CPNE5: variants seen among roughly 807,000 people sequenced by gnomAD.
The protein encoded by CPNE5 is copine 5, also known as copine-5.
Under a neutral mutation model 81.1 loss-of-function variants are expected in CPNE5, and 42 were observed. The ratio of observed to expected loss-of-function variants is 0.52; its 90% CI spans 0.40 to 0.67. CPNE5 has a LOEUF of 0.67. Ranked by LOEUF, CPNE5 falls within the 30% of genes least tolerant of loss-of-function variation. The pLI is 0.00. For synonymous variants in CPNE5, 313 were observed against 321.5 expected (o/e 0.97, Z 0.28); for missense variants, 612 against 815.5 (o/e 0.75, Z 3.04).
At chr6:36,803,999 T>A (rs1422826944) in intron 3 of CPNE5, among the ~76,000 whole-genome samples, 2 of 152,188 alleles carry the variant, frequency 1.3e-5, no homozygotes, top group African/African-American at 2.4e-5. Context: ...ACTGAGCCCC[T>A]ACTGAATGCT....
chr6:36,755,690 AG>A, intron 13 of CPNE5: 1 of 161,744 alleles, frequency 6.2e-6, no homozygotes. Context: ...CCTCAAGACC[AG>A]CCCCGAGAAG....
At chr6:36,745,667 A>C in intron 16 of CPNE5, 152 bp from the exon 17 acceptor site, 1 of 843,294 alleles carries the variant, frequency 1.2e-6, no homozygotes, top group East Asian at 2.7e-5. Flanking sequence ...GGGAGCTCCC[A>C]GGGCCCATCC....
rs34423091 is a variant in CPNE5, at chr6:36,777,766, C to CCA, written c.632+1086_632+1087dup. Among the ~76,000 whole-genome samples the CCA allele has an allele frequency of 3.1e-3, 343 of 109,302 alleles. 3 individuals carry two copies. The highest frequency in any genetic ancestry group is 9.7e-3 in the South Asian group (24 of 2,486). The allele number at this position is 109,302 out of a possible 152,430, so 71.7% of individuals were successfully genotyped here. A position where few individuals can be genotyped will look rare whatever the true frequency, so the allele number is the denominator to read the frequency against. On this transcript the variant is annotated intron_variant, in intron 9 of 20. Transcript: ENST00000244751. Reference sequence around the variant, plus strand: ...GCTCCCCTGCCTACCCCCCCCCCCACCACACACACACACACACACACACAC... The same window carrying CCA: ...GCTCCCCTGCCTACCCCCCCCCCCACCACACACACACACACACACACACACAC...
At chr6:36,798,945 C>T (rs1769849933) in intron 4 of CPNE5, among the ~76,000 whole-genome samples, 1 of 152,106 alleles carries the variant, frequency 6.6e-6, no homozygotes, top group Non-Finnish European at 1.5e-5. Flanking sequence ...ATAGCTTCAC[C>T]CTACCCAGGC....
intron 1 of CPNE5, among the ~76,000 whole-genome samples, chr6:36,835,832 G>T (rs1157307620): frequency 2.0e-5 from 3 of 151,790 alleles, no homozygotes; most frequent in Non-Finnish European, 4.4e-5. Context: ...TCTCTAGATT[G>T]ATCAGATCTC....
chr6:36,768,223 T>TTA (rs1766734611), intron 10 of CPNE5, among the ~76,000 whole-genome samples: 1 of 91,704 alleles, frequency 1.1e-5, no homozygotes, highest in African/African-American at 3.9e-5. Context: ...CTATTCACAG[T>TTA]TCTTTTTTTT....
intron 3 of CPNE5, among the ~76,000 whole-genome samples, chr6:36,802,416 A>T (rs937867989): frequency 1.8e-4 from 27 of 152,088 alleles, no homozygotes; most frequent in African/African-American, 6.5e-4. Context: ...TGATCACACC[A>T]CTGCACTCCA....
intron 1 of CPNE5, among the ~76,000 whole-genome samples, chr6:36,826,184 G>C (rs947083575): frequency 9.9e-5 from 15 of 152,070 alleles, no homozygotes; most frequent in African/African-American, 3.4e-4. Context: ...GGCGGTGGGA[G>C]GGGGAGGTCT....
chr6:36,758,830 A>T (rs1291403990), intron 12 of CPNE5, among the ~76,000 whole-genome samples: 1 of 152,146 alleles, frequency 6.6e-6, no homozygotes, highest in African/African-American at 2.4e-5. Flanking sequence ...GTAGAAACTG[A>T]GGGCCTGGGC....
intron 6 of CPNE5, among the ~76,000 whole-genome samples, chr6:36,795,218 A>G (rs1330385214): frequency 6.6e-6 from 1 of 152,136 alleles, no homozygotes; most frequent in Non-Finnish European, 1.5e-5. Context: ...TCGCTCTGTC[A>G]CCCAGGCTGG....
At chr6:36,805,574 C>T (rs1770519816) in intron 3 of CPNE5, among the ~76,000 whole-genome samples, 1 of 152,172 alleles carries the variant, frequency 6.6e-6, no homozygotes, top group Admixed American at 6.5e-5. Flanking sequence ...CGCAAGTGTG[C>T]ACTGGGGAGG....
chr6:36,839,449 C>T (rs1430414526), upstream of CPNE5: 11 of 1,301,724 alleles, frequency 8.5e-6, no homozygotes, highest in Non-Finnish European at 1.2e-5. The surrounding 1 kb of genome is among the most constrained non-coding windows in gnomAD (Gnocchi z 7.3). Flanking sequence ...GCGACTGGAG[C>T]CCTGGGCTCT....
intron 3 of CPNE5, among the ~76,000 whole-genome samples, chr6:36,804,690 G>A (rs866945198): frequency 2.1e-5 from 3 of 140,580 alleles, no homozygotes; most frequent in Non-Finnish European, 3.1e-5. Flanking sequence ...AGGCTCCAAG[G>A]AAAACACCCA....
At chr6:36,743,817 C>T (rs1763809124) in intron 19 of CPNE5, 55 bp from the exon 20 acceptor site, 1 of 1,465,842 alleles carries the variant, frequency 6.8e-7, no homozygotes, top group Admixed American at 1.7e-5. Flanking sequence ...GACCCCTGGC[C>T]CTAGCAGGAG....
intron 12 of CPNE5, among the ~76,000 whole-genome samples, chr6:36,761,494 C>T (rs73730182): frequency 0.02 from 3,054 of 152,242 alleles, 67 homozygotes; most frequent in African/African-American, 0.06. Flanking sequence ...ACATGCAGGG[C>T]AAAGGAGTGG....
intron 15 of CPNE5, among the ~76,000 whole-genome samples, chr6:36,747,880 G>A (rs1431038954): frequency 1.5e-4 from 23 of 152,228 alleles, no homozygotes; most frequent in Admixed American, 1.5e-3. Context: ...ACTCCAGCCT[G>A]TGGGTTGGAC....
chr6:36,765,448 A>T lies in CPNE5; in HGVS notation c.738-72T>A. The stretch of plus-strand genomic sequence containing the variant: ...CGTGGCTGAGGATGGGGCCCTCTTC[A>T]TGTTCCCGGACCAGATAGGGAGGCC... On this transcript the variant is annotated intron_variant, in intron 10 of 20. Transcript: ENST00000244751. 10 of 1,580,336 alleles carry T rather than the reference A, an allele frequency of 6.3e-6. No homozygotes were observed. The Middle Eastern group carries it at 1.0e-3, about 158-fold the overall frequency.
Position 36,741,974 on chromosome 6 carries a change from C to A in CPNE5, c.*294G>T. ...GGGTGGGCGACAGGGACCCCAATCA[C>A]CCTTATTGTTTACACCTTCCTGGCT... On this transcript the variant is annotated 3_prime_UTR_variant, in exon 21 of 21. Transcript: ENST00000244751. 1 of 413,302 alleles carries A rather than the reference C, an allele frequency of 2.4e-6. No individual in the cohort carries two copies. Among genetic ancestry groups the A allele is most frequent in the Admixed American group, 3.9e-5 (1 of 25,368 alleles). The allele number at this position is 413,302 out of a possible 1,614,324, so 25.6% of individuals were successfully genotyped here. A position where few individuals can be genotyped will look rare whatever the true frequency, so the allele number is the denominator to read the frequency against.
At chr6:36,820,403 A>G (rs112724337) in intron 3 of CPNE5, among the ~76,000 whole-genome samples, 26,563 of 134,210 alleles carry the variant, frequency 0.2, 2,682 homozygotes, top group East Asian at 0.36. Flanking sequence ...GTGCAGTGGT[A>G]CGATCTCGGC....
Sources: gnomAD v4.1 joint callset for allele counts (sites outside exome capture counted in the v4.1 genomes callset) on GRCh38, gnomAD v4.1.1 for gene constraint, Gnocchi (gnomAD v3.1) non-coding constraint, MANE v1.5 for transcripts, NCBI Gene and HGNC (gene_info 2026-07-23, HGNC 2026-07-21) for gene names.